Variants in EIPR1 observed in about 807,000 individuals in gnomAD.
The protein encoded by EIPR1 is EARP complex and GARP complex interacting protein 1, also known as EARP and GARP complex-interacting protein 1.
A neutral mutation model predicts 48.1 loss-of-function variants in EIPR1; 25 were observed. The ratio of observed to expected loss-of-function variants is 0.52; its 90% CI spans 0.38 to 0.73. The LOEUF (loss-of-function observed/expected upper bound fraction) is 0.73. EIPR1 is among the 30% of genes least tolerant of loss of function. The pLI, the probability that EIPR1 is intolerant of heterozygous loss-of-function variation, is 0.00. For missense variants in EIPR1, 415 were observed against 506.2 expected (o/e 0.82, Z 1.73); for synonymous variants, 204 against 201.9 (o/e 1.01, Z -0.09).
At chr2:3,285,990 G>A (rs1179080737) in intron 3 of EIPR1, among the ~76,000 whole-genome samples, 1 of 152,230 alleles carries the variant, frequency 6.6e-6, no homozygotes, top group East Asian at 1.9e-4. Flanking sequence ...TTTGGAAGCA[G>A]TGCCCTGCCC....
chr2:3,240,206 C>T (rs75555628), intron 4 of EIPR1, among the ~76,000 whole-genome samples: 1 of 31,762 alleles, frequency 3.1e-5, no homozygotes, highest in Non-Finnish European at 7.6e-5. Flanking sequence ...AGCCAGCAGA[C>T]TCTTCCTAAA....
At chr2:3,280,756 T>C (rs1667990612) in intron 3 of EIPR1, among the ~76,000 whole-genome samples, 2 of 152,280 alleles carry the variant, frequency 1.3e-5, no homozygotes, top group South Asian at 2.1e-4. Flanking sequence ...CAGAGGGACA[T>C]GGCCAGTGCC....
At chr2:3,308,674 G>A (rs1669027360) in intron 3 of EIPR1, among the ~76,000 whole-genome samples, 1 of 152,170 alleles carries the variant, frequency 6.6e-6, no homozygotes, top group East Asian at 1.9e-4. Context: ...AAAATCTCAA[G>A]TAGCATACAC....
At chr2:3,298,588 T>A (rs1367229258) in intron 3 of EIPR1, 2 of 151,624 alleles carry the variant, frequency 1.3e-5, no homozygotes, top group East Asian at 3.9e-4. Context: ...CCTGGCTGAG[T>A]GTCCTCAGAT....
intron 4 of EIPR1, among the ~76,000 whole-genome samples, chr2:3,225,395 G>A (rs1666031932): frequency 6.6e-6 from 1 of 152,034 alleles, no homozygotes; most frequent in African/African-American, 2.4e-5. Flanking sequence ...ACAGGCACAT[G>A]CCACCCTACT....
Position 3,290,517 on chromosome 2 carries a change from G to A in EIPR1, c.260-33062C>T, listed in dbSNP as rs577963110. 8.5e-5 allele frequency among the ~76,000 whole-genome samples: 13 copies of A among 152,328 alleles called. No individual in the cohort carries two copies. In the East Asian group the frequency reaches 2.3e-3, roughly 27 times the overall value. ...GAAGAAGTGGTGGCAGCAATCAGCT[G>A]TAGCTTGTACTTCTTTAGGGATTTT... On this transcript the variant is annotated intron_variant, in intron 3 of 8. Coordinates refer to ENST00000382125, the MANE Select transcript of EIPR1 (RefSeq NM_003310.5).
chr2:3,377,376 A>C, intron 1 of EIPR1: 1 of 409,160 alleles, frequency 2.4e-6, no homozygotes, highest in Non-Finnish European at 4.3e-6. Flanking sequence ...AAATGAGTCC[A>C]CCAAAGTGAG....
intron 6 of EIPR1, among the ~76,000 whole-genome samples, chr2:3,196,502 C>G (rs1664810815): frequency 6.6e-6 from 1 of 152,126 alleles, no homozygotes; most frequent in Admixed American, 6.6e-5. Flanking sequence ...AAGGACGACC[C>G]CAGGAGAGAC....
chr2:3,209,110 C>T (rs753839521), intron 5 of EIPR1, among the ~76,000 whole-genome samples: 15 of 152,266 alleles, frequency 9.9e-5, no homozygotes, highest in Non-Finnish European at 1.3e-4. Flanking sequence ...CTAAGCACAA[C>T]GAAAGCCTGG....
At chr2:3,233,279 G>A (rs1485252886) in intron 4 of EIPR1, among the ~76,000 whole-genome samples, 1 of 152,044 alleles carries the variant, frequency 6.6e-6, no homozygotes, top group Non-Finnish European at 1.5e-5. Context: ...TTTCCAAAGG[G>A]CACACAGAAT....
At chr2:3,277,769 G>C (rs948810635) in intron 3 of EIPR1, among the ~76,000 whole-genome samples, 1 of 152,210 alleles carries the variant, frequency 6.6e-6, no homozygotes, top group Non-Finnish European at 1.5e-5. Flanking sequence ...CGCAGCCTCG[G>C]CTAGGGGCCC....
chr2:3,258,034 G>A (rs1207791570), intron 3 of EIPR1, among the ~76,000 whole-genome samples: 3 of 152,232 alleles, frequency 2.0e-5, no homozygotes, highest in Admixed American at 1.3e-4. Context: ...GCAGCAGGTG[G>A]CAGCCCAGCC....
chr2:3,189,613 T>C lies in EIPR1; in HGVS notation c.990-105A>G, dbSNP rs1664532317. ...TGACATCGGGAGACACGGGAGGTACTGGGGCCTCAGCTTTCTCCGCTGTGG... is the reference window on the plus strand; with the variant it reads ...TGACATCGGGAGACACGGGAGGTACCGGGGCCTCAGCTTTCTCCGCTGTGG... On this transcript the variant is annotated intron_variant, in intron 8 of 8. Coordinates refer to ENST00000382125, the MANE Select transcript of EIPR1 (RefSeq NM_003310.5). The surrounding 1 kb of genome is among the most constrained non-coding windows in gnomAD (Gnocchi z 4.6). 1 of 1,128,540 alleles carries C rather than the reference T, an allele frequency of 8.9e-7. No individual in the cohort carries two copies. Among genetic ancestry groups the C allele is most frequent in the Non-Finnish European group, 1.2e-6 (1 of 832,772 alleles). The allele number at this position is 1,128,540 out of a possible 1,614,324, so 69.9% of individuals were successfully genotyped here.
chr2:3,257,174 C>G, intron 4 of EIPR1, 125 bp downstream of exon 4: 1 of 1,126,448 alleles, frequency 8.9e-7, no homozygotes, highest in Non-Finnish European at 1.2e-6. Flanking sequence ...ATTCTCGCAG[C>G]TTTTTAAAAG....
chr2:3,263,113 C>T (rs965966654), intron 3 of EIPR1, among the ~76,000 whole-genome samples: 2 of 152,226 alleles, frequency 1.3e-5, no homozygotes, highest in Non-Finnish European at 2.9e-5. Flanking sequence ...ATAAGCCAAA[C>T]ATTGGCAGGC....
chr2:3,325,725 T>C (rs7573861), intron 3 of EIPR1, among the ~76,000 whole-genome samples: 68,324 of 152,126 alleles, frequency 0.45, 16,521 homozygotes, highest in East Asian at 0.81. Flanking sequence ...ATGTTTCACT[T>C]GAGAGATTAC....
intron 4 of EIPR1, among the ~76,000 whole-genome samples, chr2:3,226,125 T>A (rs911726633): frequency 1.7e-4 from 26 of 152,254 alleles, no homozygotes; most frequent in African/African-American, 6.0e-4. Flanking sequence ...CTCTTTGAGC[T>A]AATGATTTCA....
Position 3,362,691 on chromosome 2 carries a change from T to A in EIPR1, c.43-8058A>T, listed in dbSNP as rs115721513. 7.5e-3 allele frequency among the ~76,000 whole-genome samples: 1,132 copies of A among 150,240 alleles called. 25 individuals carry two copies. The highest frequency in any genetic ancestry group is 0.027 in the African/African-American group (1,090 of 40,882). ...GAGAAGAAAAAACAGAAATATAAAC[T>A]CCATCTACAGTGAAACTTAGAAACA... On this transcript the variant is annotated intron_variant, in intron 1 of 8. Coordinates refer to ENST00000382125, the MANE Select transcript of EIPR1 (RefSeq NM_003310.5).
intron 4 of EIPR1, among the ~76,000 whole-genome samples, chr2:3,232,583 A>C (rs1466619937): frequency 6.6e-6 from 1 of 152,118 alleles, no homozygotes; most frequent in Non-Finnish European, 1.5e-5. Context: ...CTTTTTGGCT[A>C]GAATTTACGT....
Sources: allele counts gnomAD v4.1 joint callset (sites outside exome capture counted in the v4.1 genomes callset), GRCh38; gene constraint gnomAD v4.1.1; non-coding constraint Gnocchi (gnomAD v3.1); transcripts MANE v1.5; gene names NCBI Gene and HGNC (gene_info 2026-07-23, HGNC 2026-07-21).